CHST12: variants seen among roughly 807,000 people sequenced by gnomAD.
CHST12 encodes carbohydrate (chondroitin 4) sulfotransferase 12.
A neutral mutation model predicts 27.9 loss-of-function variants in CHST12; 23 were observed. The observed-to-expected ratio is 0.82, with a 90% confidence interval of 0.59 to 1.17. CHST12 has a LOEUF of 1.17. CHST12 is among the 50% of genes most tolerant of loss of function. The pLI, the probability that CHST12 is intolerant of heterozygous loss-of-function variation, is 0.00. For synonymous variants in CHST12, 322 were observed against 273.0 expected, an observed-to-expected ratio of 1.18 and a Z score of -1.77; for missense variants, 682 against 603.0, an observed-to-expected ratio of 1.13 and a Z score of -1.37.
chr7:2,442,329 T>A lies in CHST12; in HGVS notation c.*8445T>A, dbSNP rs1421690492. Reference sequence around the variant, plus strand: ...ATCTCTCGGCTCTTGTGAATAATGCTGCTGTGAACACGGGTGTGCAGATAC... The same window carrying A: ...ATCTCTCGGCTCTTGTGAATAATGCAGCTGTGAACACGGGTGTGCAGATAC... On this transcript the variant is annotated 3_prime_UTR_variant, in exon 2 of 2. Coordinates refer to ENST00000618655, the MANE Select transcript of CHST12 (RefSeq NM_018641.5). The A allele has an allele frequency of 6.6e-6, 1 of 152,246 alleles. No homozygotes were observed. 9.4% of individuals were successfully genotyped at this position (152,246 alleles called of 1,614,324 possible). A position where few individuals can be genotyped will look rare whatever the true frequency, so the allele number is the denominator to read the frequency against.
At chr7:2,427,885 C>T (rs1323498630) in intron 1 of CHST12, among the ~76,000 whole-genome samples, 5 of 151,930 alleles carry the variant, frequency 3.3e-5, no homozygotes, top group African/African-American at 7.3e-5. Context: ...GGTGCGATCT[C>T]GGCTCACTGC....
intron 1 of CHST12, among the ~76,000 whole-genome samples, chr7:2,411,944 T>C (rs1252893216): frequency 6.6e-6 from 1 of 152,232 alleles, no homozygotes; most frequent in Non-Finnish European, 1.5e-5. Context: ...TTTGGGAATA[T>C]TGGACTGGTA....
At chr7:2,408,410 C>T (rs1781579301) in intron 1 of CHST12, among the ~76,000 whole-genome samples, 1 of 149,750 alleles carries the variant, frequency 6.7e-6, no homozygotes, top group South Asian at 2.1e-4. Context: ...GTACCCTCTC[C>T]AGGACATACT....
At chr7:2,422,213 T>G (rs1033083822) in intron 1 of CHST12, among the ~76,000 whole-genome samples, 9 of 152,124 alleles carry the variant, frequency 5.9e-5, no homozygotes, top group African/African-American at 1.9e-4. Flanking sequence ...TTGTTTGTCA[T>G]GTTAACTTTT....
In CHST12 at chr7:2,441,401, A is replaced by G. The variant is rs148849970; in HGVS notation, c.*7517A>G. On this transcript the variant is annotated 3_prime_UTR_variant, in exon 2 of 2. Transcript: ENST00000618655. The stretch of plus-strand genomic sequence containing the variant: ...TTCTTCACTCGTTTAAATAGTAATG[A>G]TAAGAATATGGCTGCAGGGGGCAGC... 1 of 152,330 alleles carries G rather than the reference A, an allele frequency of 6.6e-6. No individual in the cohort carries two copies. Among genetic ancestry groups the G allele is most frequent in the African/African-American group, 2.4e-5 (1 of 41,576 alleles). The allele number at this position is 152,330 out of a possible 1,614,324, so 9.4% of individuals were successfully genotyped here.
At chr7:2,420,403 C>T (rs1393979887) in intron 1 of CHST12, among the ~76,000 whole-genome samples, 2 of 152,154 alleles carry the variant, frequency 1.3e-5, no homozygotes, top group Non-Finnish European at 2.9e-5. Flanking sequence ...GGGTTGACCA[C>T]AGTTTGCTTG....
chr7:2,426,750 G>C (rs888595410), intron 1 of CHST12, among the ~76,000 whole-genome samples: 1 of 151,996 alleles, frequency 6.6e-6, no homozygotes, highest in African/African-American at 2.4e-5. Context: ...CCAGCACTTT[G>C]GAGGCCGAGG....
intron 1 of CHST12, among the ~76,000 whole-genome samples, chr7:2,417,903 C>G (rs1781851791): frequency 6.6e-6 from 1 of 152,244 alleles, no homozygotes; most frequent in Admixed American, 6.5e-5. Flanking sequence ...ATTACGTGAC[C>G]TTTTTGTGTG....
At chr7:2,417,261 G>C (rs575953323) in intron 1 of CHST12, among the ~76,000 whole-genome samples, 26 of 148,056 alleles carry the variant, frequency 1.8e-4, no homozygotes, top group African/African-American at 6.5e-4. Context: ...GTCTTGCTCT[G>C]TTGGCCAGGC....
In CHST12 at chr7:2,435,288, G is replaced by A. The variant is rs1782444858; in HGVS notation, c.*1404G>A. 1 of 152,284 alleles carries A rather than the reference G, an allele frequency of 6.6e-6. No individual in the cohort carries two copies. The allele number at this position is 152,284 out of a possible 1,614,324, so 9.4% of individuals were successfully genotyped here. A position where few individuals can be genotyped will look rare whatever the true frequency, so the allele number is the denominator to read the frequency against. ...TAAACTATGGCTGTTGAGGTTTACAGTTGGCAGGAGTGGAGTGGTTTGGCG... is the reference window on the plus strand; with the variant it reads ...TAAACTATGGCTGTTGAGGTTTACAATTGGCAGGAGTGGAGTGGTTTGGCG... On this transcript the variant is annotated 3_prime_UTR_variant, in exon 2 of 2. Transcript: ENST00000618655.
intron 1 of CHST12, among the ~76,000 whole-genome samples, chr7:2,409,548 T>G (rs1583207264): frequency 6.7e-6 from 1 of 148,412 alleles, no homozygotes. Flanking sequence ...GCCCAGGAGG[T>G]GGAGATTTTA....
intron 1 of CHST12, among the ~76,000 whole-genome samples, chr7:2,413,599 C>T (rs1195854665): frequency 6.6e-6 from 1 of 152,028 alleles, no homozygotes; most frequent in Non-Finnish European, 1.5e-5. Flanking sequence ...AACCACAGAA[C>T]ATGCAGTCTT....
rs1782400849 is a variant in CHST12 at position 2,434,112 on chromosome 7, A to ACCGCCCGCTCG, written c.*230_*231insGCCCGCTCGCC. On this transcript the variant is annotated 3_prime_UTR_variant, in exon 2 of 2. Transcript: ENST00000618655. ...TATCCCCTCTCCCCTCCGCCCGCCC[A>ACCGCCCGCTCG]CCCGCCCGCCCGCTCGCCCGCTCGC... 3.2e-5 allele frequency: 11 copies of ACCGCCCGCTCG among 346,858 alleles called. No individual in the cohort carries two copies. The highest frequency in any genetic ancestry group is 1.5e-4 in the Admixed American group (3 of 20,182). 21.5% of individuals were successfully genotyped at this position (346,858 alleles called of 1,614,324 possible).
In CHST12 at chr7:2,438,871, C is replaced by G. The variant is rs564746762; in HGVS notation, c.*4987C>G. On this transcript the variant is annotated 3_prime_UTR_variant, in exon 2 of 2. Transcript: ENST00000618655. ...TACGGGACGGGGCTGATTTCCTGAC[C>G]TGGACCCCTGAGACCCAGTGCTCTT... 6.6e-6 allele frequency: 1 copy of G among 152,428 alleles called. No individual in the cohort carries two copies. Among genetic ancestry groups the G allele is most frequent in the South Asian group, 2.1e-4 (1 of 4,828 alleles). The allele number at this position is 152,428 out of a possible 1,614,324, so 9.4% of individuals were successfully genotyped here.
chr7:2,441,665 C>T lies in CHST12; in HGVS notation c.*7781C>T, dbSNP rs903605554. 1.8e-4 allele frequency: 26 copies of T among 141,994 alleles called. No individual in the cohort carries two copies. The highest frequency in any genetic ancestry group is 6.7e-4 in the African/African-American group (25 of 37,318). The allele number at this position is 141,994 out of a possible 1,614,324, so 8.8% of individuals were successfully genotyped here. ...CCATGATTGCACCACTGCATTCCAGCCTGGGTGACAGAGCAAGATCTTGTC... is the reference window on the plus strand; with the variant it reads ...CCATGATTGCACCACTGCATTCCAGTCTGGGTGACAGAGCAAGATCTTGTC... On this transcript the variant is annotated 3_prime_UTR_variant, in exon 2 of 2. Coordinates refer to ENST00000618655, the MANE Select transcript of CHST12 (RefSeq NM_018641.5).
At chr7:2,410,291 C>A (rs531178790) in intron 1 of CHST12, among the ~76,000 whole-genome samples, 3 of 152,306 alleles carry the variant, frequency 2.0e-5, no homozygotes, top group African/African-American at 7.2e-5. Context: ...CGCTGTGAGG[C>A]AGGACGAGGA....
In CHST12 at chr7:2,441,792, C is replaced by T. The variant is rs893032837; in HGVS notation, c.*7908C>T. ...ATAAGAAAAAAAAGAAAAAGGTTGA[C>T]CTTGTAAGTATATTTTCTTGGGTGA... On this transcript the variant is annotated 3_prime_UTR_variant, in exon 2 of 2. Transcript: ENST00000618655. The T allele has an allele frequency of 6.6e-6, 1 of 151,444 alleles. No homozygotes were observed. The highest frequency in any genetic ancestry group is 1.5e-5 in the Non-Finnish European group (1 of 67,970). 9.4% of individuals were successfully genotyped at this position (151,444 alleles called of 1,614,324 possible). A position where few individuals can be genotyped will look rare whatever the true frequency, so the allele number is the denominator to read the frequency against.
intron 1 of CHST12, among the ~76,000 whole-genome samples, chr7:2,419,512 G>C (rs1035020594): frequency 6.6e-6 from 1 of 150,424 alleles, no homozygotes; most frequent in African/African-American, 2.5e-5. Context: ...TCCGAGACCA[G>C]CCTGGCCAAC....
intron 1 of CHST12, among the ~76,000 whole-genome samples, chr7:2,427,763 T>A (rs1308878989): frequency 3.3e-5 from 5 of 152,144 alleles, no homozygotes; most frequent in Non-Finnish European, 7.4e-5. Context: ...CATGGTTGAT[T>A]TTTGAACATT....
Sources: gnomAD v4.1 joint callset for allele counts (sites outside exome capture counted in the v4.1 genomes callset) on GRCh38, gnomAD v4.1.1 for gene constraint, MANE v1.5 for transcripts, NCBI Gene and HGNC (gene_info 2026-07-23, HGNC 2026-07-21) for gene names.